AUTS2: variants seen among roughly 807,000 people sequenced by gnomAD.
AUTS2 encodes the protein activator of transcription and developmental regulator AUTS2, also known as autism susceptibility gene 2 protein.
In AUTS2, 17 loss-of-function variants were observed where a neutral mutation model predicts 112.4. That is an observed-to-expected ratio of 0.15 (90% CI 0.10 to 0.23). The LOEUF is 0.23. Among genes scored for constraint, AUTS2 ranks in the 10% least tolerant of loss-of-function variants. AUTS2 has a pLI of 1.00. For synonymous variants in AUTS2, 751 were observed against 702.7 expected (o/e 1.07, Z -1.09); for missense variants, 1,510 against 1,701.6 (o/e 0.89, Z 1.98).
intron 13 of AUTS2, among the ~76,000 whole-genome samples, chr7:70,775,698 A>AAGTT (rs951178077): frequency 2.0e-5 from 3 of 152,192 alleles, no homozygotes; most frequent in Non-Finnish European, 2.9e-5. Flanking sequence ...CTATAGGCTG[A>AAGTT]AGTTAGTCTC....
At chr7:70,383,661 A>C (rs1316649526) in intron 4 of AUTS2, among the ~76,000 whole-genome samples, 1 of 152,206 alleles carries the variant, frequency 6.6e-6, no homozygotes, top group Non-Finnish European at 1.5e-5. Context: ...TCCTTGACAA[A>C]AAAGTCTGTT....
At chr7:70,543,263 A>T (rs1428424806) in intron 5 of AUTS2, among the ~76,000 whole-genome samples, 1 of 152,126 alleles carries the variant, frequency 6.6e-6, no homozygotes, top group African/African-American at 2.4e-5. Flanking sequence ...GCACTTTGGG[A>T]GGCTGAGGTG....
At chr7:70,289,206 T>C (rs1198685531) in intron 4 of AUTS2, among the ~76,000 whole-genome samples, 1 of 152,198 alleles carries the variant, frequency 6.6e-6, no homozygotes, top group East Asian at 1.9e-4. Context: ...TAGGTTAACA[T>C]GTGTGATTGC....
chr7:69,736,264 G>T (rs779675801), intron 1 of AUTS2, among the ~76,000 whole-genome samples: 6 of 152,052 alleles, frequency 3.9e-5, no homozygotes, highest in Non-Finnish European at 5.9e-5. Flanking sequence ...TGGCAAAGAG[G>T]AATAAAGACG....
rs1243318761 is a variant in AUTS2 at position 69,599,309 on chromosome 7, A to AT, written c.-336dup. ...TGATTTATTGCTTGCTTGGTGAGTTATTTTTTTTTCCTCTAAAGGAGACCT... is the reference window on the plus strand; with the variant it reads ...TGATTTATTGCTTGCTTGGTGAGTTATTTTTTTTTTCCTCTAAAGGAGACCT... On this transcript the variant is annotated 5_prime_UTR_variant, in exon 1 of 19. Transcript: ENST00000342771. This position sits in a 1 kb window ranked among gnomAD's most constrained non-coding sequence, Gnocchi z 7.0. The AT allele has an allele frequency of 2.2e-3, 466 of 211,028 alleles. 1 individual carries two copies. Among genetic ancestry groups the AT allele is most frequent in the South Asian group, 2.1e-3 (11 of 5,354 alleles). 13.1% of individuals were successfully genotyped at this position (211,028 alleles called of 1,614,324 possible).
chr7:70,073,025 C>CCCTCCCCTCCCCTCT (rs1802852360), intron 2 of AUTS2, among the ~76,000 whole-genome samples: 1 of 119,684 alleles, frequency 8.4e-6, no homozygotes, highest in Non-Finnish European at 1.8e-5. Flanking sequence ...CTCTCCCCTC[C>CCCTCCCCTCCCCTCT]CCTCCCCTCC....
At chr7:70,213,166 AT>A (rs1363273816) in intron 4 of AUTS2, among the ~76,000 whole-genome samples, 1 of 152,048 alleles carries the variant, frequency 6.6e-6, no homozygotes, top group Non-Finnish European at 1.5e-5. Flanking sequence ...ATATCAACGA[AT>A]TTTTTTAAAA....
At chr7:70,382,458 C>T (rs1252833706) in intron 4 of AUTS2, among the ~76,000 whole-genome samples, 2 of 152,156 alleles carry the variant, frequency 1.3e-5, no homozygotes, top group African/African-American at 4.8e-5. Context: ...CCTTTGATTT[C>T]ATCTGCCTTT....
chr7:69,795,053 T>C (rs950772940), intron 1 of AUTS2, among the ~76,000 whole-genome samples: 7 of 152,178 alleles, frequency 4.6e-5, no homozygotes, highest in African/African-American at 1.7e-4. Context: ...CATCTTTAAA[T>C]TGAAGATAGT....
chr7:69,645,735 A>T (rs1206950872), intron 1 of AUTS2, among the ~76,000 whole-genome samples: 2 of 152,016 alleles, frequency 1.3e-5, no homozygotes, highest in Admixed American at 1.3e-4. Context: ...GTTATGGGGC[A>T]GGGGGAGAGG....
At chr7:70,667,216 A>C (rs914495640) in intron 5 of AUTS2, among the ~76,000 whole-genome samples, 1 of 152,224 alleles carries the variant, frequency 6.6e-6, no homozygotes, top group South Asian at 2.1e-4. Flanking sequence ...CTTCGTAATT[A>C]GCATTTAAAA....
intron 2 of AUTS2, among the ~76,000 whole-genome samples, chr7:70,068,156 A>C (rs907821496): frequency 6.6e-6 from 1 of 152,000 alleles, no homozygotes; most frequent in Non-Finnish European, 1.5e-5. Flanking sequence ...TGACTGGCAA[A>C]ACATAAGTAG....
rs1056991827 is a variant in AUTS2, at chr7:70,771,795, T to C, written c.1830+151T>C. The stretch of plus-strand genomic sequence containing the variant: ...GGGATTAGAGTGAGCCTATTTTTCT[T>C]TTTTTTCCAAGTCCATCTAGTTTTA... On this transcript the variant is annotated intron_variant, in intron 11 of 18. Transcript: ENST00000342771. 1.7e-5 allele frequency: 9 copies of C among 542,226 alleles called. No individual in the cohort carries two copies. The African/African-American group carries it at 1.7e-4, about 10-fold the overall frequency. The allele number at this position is 542,226 out of a possible 1,614,324, so 33.6% of individuals were successfully genotyped here.
chr7:69,822,796 A>G (rs1791056459), intron 1 of AUTS2, among the ~76,000 whole-genome samples: 1 of 152,152 alleles, frequency 6.6e-6, no homozygotes, highest in African/African-American at 2.4e-5. Context: ...ATATCTGCCT[A>G]GTGGGAGTCT....
chr7:70,598,549 G>A (rs930533493), intron 5 of AUTS2, among the ~76,000 whole-genome samples: 1 of 152,020 alleles, frequency 6.6e-6, no homozygotes, highest in Non-Finnish European at 1.5e-5. Flanking sequence ...TGCATTTGCC[G>A]TCCATCACAC....
intron 5 of AUTS2, among the ~76,000 whole-genome samples, chr7:70,622,705 A>G (rs1023536563): frequency 9.2e-5 from 14 of 152,246 alleles, no homozygotes; most frequent in African/African-American, 3.1e-4. Flanking sequence ...ATTGCTAAAC[A>G]TTATATGTAA....
At chr7:70,682,286 T>G (rs1215398002) in intron 5 of AUTS2, among the ~76,000 whole-genome samples, 1 of 152,226 alleles carries the variant, frequency 6.6e-6, no homozygotes, top group Non-Finnish European at 1.5e-5. Flanking sequence ...TGCTGAAAAC[T>G]GCAATCTGTT....
At chr7:70,515,478 C>T (rs1799378212) in intron 5 of AUTS2, among the ~76,000 whole-genome samples, 1 of 152,146 alleles carries the variant, frequency 6.6e-6, no homozygotes, top group Non-Finnish European at 1.5e-5. Context: ...TCACAGAGTT[C>T]CTTTCCCATC....
intron 6 of AUTS2, among the ~76,000 whole-genome samples, chr7:70,715,415 G>T (rs1810305387): frequency 6.6e-6 from 1 of 152,124 alleles, no homozygotes; most frequent in Admixed American, 6.5e-5. Context: ...GCCCTTCATA[G>T]CTCTGTTCAA....
Sources: gnomAD v4.1 joint callset for allele counts (sites outside exome capture counted in the v4.1 genomes callset) on GRCh38, gnomAD v4.1.1 for gene constraint, Gnocchi (gnomAD v3.1) non-coding constraint, MANE v1.5 for transcripts, NCBI Gene and HGNC (gene_info 2026-07-23, HGNC 2026-07-21) for gene names.